Variants in TSHZ2 observed in about 807,000 individuals in gnomAD.
TSHZ2 encodes the protein teashirt homolog 2.
Under a neutral mutation model 74.4 loss-of-function variants are expected in TSHZ2, and 21 were observed. The observed-to-expected ratio is 0.28, with a 90% CI of 0.20 to 0.41. The LOEUF (loss-of-function observed/expected upper bound fraction) is 0.41, where lower values mean the gene tolerates loss of function less well. Among genes scored for constraint, TSHZ2 ranks in the 10% least tolerant of loss-of-function variants. TSHZ2 has a pLI of 1.00. For synonymous variants in TSHZ2, 540 were observed against 515.3 expected, an observed-to-expected ratio of 1.05 and a Z score of -0.65; for missense variants, 1,244 against 1,293.5, an observed-to-expected ratio of 0.96 and a Z score of 0.59.
chr20:53,475,897 T>A (rs1985978821), intron 2 of TSHZ2, among the ~76,000 whole-genome samples: 2 of 124,984 alleles, frequency 1.6e-5, no homozygotes, highest in African/African-American at 6.6e-5. Flanking sequence ...GCAAATAAAC[T>A]AGAAAATCTA....
chr20:53,410,039 G>A (rs1982997955), intron 2 of TSHZ2, among the ~76,000 whole-genome samples: 3 of 151,798 alleles, frequency 2.0e-5, no homozygotes, highest in South Asian at 2.1e-4. Flanking sequence ...TAGAGACAGG[G>A]TTTCACCATG....
At position 53,255,326 on chromosome 20, in the gene TSHZ2, C is replaced by A. The variant is rs902035318; in HGVS notation, c.1868C>A (p.Ala623Asp). Reference sequence around the variant, plus strand: ...GGGAAAGAAAGTCCCCACGAAGAGGCCTCATCTTTCAGCCACAGTGAGGGC... The same window carrying A: ...GGGAAAGAAAGTCCCCACGAAGAGGACTCATCTTTCAGCCACAGTGAGGGC... ...ECGKESPHEE[A>D]SSFSHSEGDS... The change falls in exon 2 of 3, where the codon GCC becomes GAC. Residue 623 changes from alanine to aspartate, a missense_variant. Physicochemically the swap from Ala to Asp is moderately radical, Grantham distance 126. This residue lies in a region of TSHZ2 where 562 missense variants were observed against 544.0 expected (regional missense o/e 1.03). Transcript: ENST00000371497. The surrounding 1 kb of genome is among the most constrained non-coding windows in gnomAD (Gnocchi z 4.1). 6.2e-7 allele frequency: 1 copy of A among 1,614,014 alleles called. No individual in the cohort carries two copies. Among genetic ancestry groups the A allele is most frequent in the South Asian group, 1.1e-5 (1 of 91,068 alleles).
intron 1 of TSHZ2, among the ~76,000 whole-genome samples, chr20:53,093,255 T>A (rs1259565294): frequency 6.6e-6 from 1 of 152,150 alleles, no homozygotes; most frequent in Non-Finnish European, 1.5e-5. Flanking sequence ...TAAGCACACA[T>A]CCAATGTTAG....
intron 2 of TSHZ2, among the ~76,000 whole-genome samples, chr20:53,358,611 C>T (rs1384230731): frequency 2.0e-5 from 3 of 152,070 alleles, no homozygotes; most frequent in African/African-American, 7.2e-5. Flanking sequence ...TCCCAAAGTG[C>T]TGGGATTACA....
At chr20:53,287,150 G>A (rs1490017926) in intron 2 of TSHZ2, among the ~76,000 whole-genome samples, 1 of 152,142 alleles carries the variant, frequency 6.6e-6, no homozygotes, top group Non-Finnish European at 1.5e-5. Context: ...TTGTGAATAA[G>A]TATTTATTTA....
intron 1 of TSHZ2, among the ~76,000 whole-genome samples, chr20:53,037,865 T>C (rs1983878020): frequency 6.6e-6 from 1 of 152,042 alleles, no homozygotes; most frequent in African/African-American, 2.4e-5. Context: ...CACACCCAAC[T>C]TCATGAGATG....
intron 2 of TSHZ2, among the ~76,000 whole-genome samples, chr20:53,457,152 A>G (rs1985124705): frequency 1.5e-5 from 2 of 136,126 alleles, no homozygotes; most frequent in Admixed American, 1.5e-4. Flanking sequence ...CTTGGGCAGT[A>G]TGGCCATTTT....
chr20:53,210,150 A>G (rs1600743147), intron 1 of TSHZ2, among the ~76,000 whole-genome samples: 1 of 152,066 alleles, frequency 6.6e-6, no homozygotes, highest in Non-Finnish European at 1.5e-5. Context: ...GGGGTGGGGG[A>G]GCACGCAGAC....
chr20:53,041,830 C>T (rs75459212), intron 1 of TSHZ2, among the ~76,000 whole-genome samples: 8,551 of 152,224 alleles, frequency 0.056, 292 homozygotes, highest in Middle Eastern at 0.068. Context: ...AAAACAGGAT[C>T]GAGATGATCC....
At position 53,227,559 on chromosome 20, in the gene TSHZ2, TTTAA is replaced by T. The variant is rs557688968; in HGVS notation, c.41-25937_41-25934del. 3.9e-5 allele frequency among the ~76,000 whole-genome samples: 6 copies of T among 152,032 alleles called. No individual in the cohort carries two copies. The South Asian group carries it at 6.2e-4, about 16-fold the overall frequency. ...TGACATGGATAAATGTTGGGAGTGA[TTTAA>T]TTGTTTCTTATCTGCAGTTTTATAC... On this transcript the variant is annotated intron_variant, in intron 1 of 2. Coordinates refer to ENST00000371497, the MANE Select transcript of TSHZ2 (RefSeq NM_173485.6).
At chr20:53,425,900 A>G (rs1419771961) in intron 2 of TSHZ2, among the ~76,000 whole-genome samples, 1 of 152,072 alleles carries the variant, frequency 6.6e-6, no homozygotes, top group Non-Finnish European at 1.5e-5. Flanking sequence ...TCCCTCCCTT[A>G]CATAGAACAT....
At chr20:53,199,469 A>C (rs1445437001) in intron 1 of TSHZ2, among the ~76,000 whole-genome samples, 1 of 152,172 alleles carries the variant, frequency 6.6e-6, no homozygotes, top group Non-Finnish European at 1.5e-5. Flanking sequence ...GTGAGACCCC[A>C]TCTCAAAAAA....
chr20:53,468,688 C>CAAAAAAAAAAAAAAA (rs1158529552), intron 2 of TSHZ2, among the ~76,000 whole-genome samples: 1 of 65,398 alleles, frequency 1.5e-5, no homozygotes, highest in Non-Finnish European at 3.0e-5. Context: ...CATTACGAGA[C>CAAAAAAAAAAAAAAA]AAAAAAAAAA....
At chr20:53,101,106 G>A (rs1390772306) in intron 1 of TSHZ2, among the ~76,000 whole-genome samples, 1 of 152,118 alleles carries the variant, frequency 6.6e-6, no homozygotes, top group East Asian at 1.9e-4. Context: ...CTGTAATCCA[G>A]CAAGGAATGC....
intron 1 of TSHZ2, among the ~76,000 whole-genome samples, chr20:52,986,602 T>C (rs1364072305): frequency 6.7e-6 from 1 of 148,490 alleles, no homozygotes; most frequent in African/African-American, 2.5e-5. Flanking sequence ...GATGGGGCAT[T>C]TCTGTAATCC....
At chr20:53,110,913 C>CA (rs1445673781) in intron 1 of TSHZ2, among the ~76,000 whole-genome samples, 1 of 151,752 alleles carries the variant, frequency 6.6e-6, no homozygotes, top group East Asian at 1.9e-4. Flanking sequence ...TGCCAGCAGA[C>CA]ATCTAAAGAG....
At chr20:53,223,083 G>T (rs1989601989) in intron 1 of TSHZ2, among the ~76,000 whole-genome samples, 1 of 152,042 alleles carries the variant, frequency 6.6e-6, no homozygotes, top group Non-Finnish European at 1.5e-5. Context: ...GACAGCTTGG[G>T]TGTCTAATAT....
At chr20:53,011,352 A>G (rs764121467) in intron 1 of TSHZ2, among the ~76,000 whole-genome samples, 8 of 152,366 alleles carry the variant, frequency 5.3e-5, no homozygotes, top group East Asian at 1.9e-4. Context: ...TTTAATGCCC[A>G]TAACAAATTA....
At chr20:53,463,554 G>A (rs1366242833) in intron 2 of TSHZ2, among the ~76,000 whole-genome samples, 3 of 152,170 alleles carry the variant, frequency 2.0e-5, no homozygotes, top group Non-Finnish European at 4.4e-5. Context: ...CCATGTCTCT[G>A]AAAGAAGGAT....
Sources: allele counts gnomAD v4.1 joint callset (sites outside exome capture counted in the v4.1 genomes callset), GRCh38; gene constraint gnomAD v4.1.1; regional missense constraint gnomAD v4.1.1; non-coding constraint Gnocchi (gnomAD v3.1); transcripts MANE v1.5; gene names NCBI Gene and HGNC (gene_info 2026-07-23, HGNC 2026-07-21).